The following KNG1 variants were observed in gnomAD, a reference collection of about 807,000 sequenced individuals.
KNG1 encodes kininogen 1, also known as kininogen-1.
KNG1 carries 23 observed loss-of-function variants against 47.8 expected under a neutral mutation model. That is an observed-to-expected ratio of 0.48 (90% confidence interval 0.35 to 0.68). The LOEUF is 0.68. Ranked by LOEUF, KNG1 falls within the 30% of genes least tolerant of loss-of-function variation. KNG1 has a pLI of 0.01. For missense variants in KNG1, 762 were observed against 790.2 expected, an observed-to-expected ratio of 0.96 and a Z score of 0.43; for synonymous variants, 277 against 277.0, an observed-to-expected ratio of 1.00 and a Z score of 0.00.
At chr3:186,731,789 C>T (rs1720540528) in intron 6 of KNG1, among the ~76,000 whole-genome samples, 160 bp downstream of exon 6, 1 of 152,188 alleles carries the variant, frequency 6.6e-6, no homozygotes, top group South Asian at 2.1e-4. Flanking sequence ...CACTGTACCC[C>T]TTCGCTGCCC....
rs981548935 is a variant in KNG1 at position 186,732,707 on chromosome 3, T to A, written c.930+33T>A. 5.1e-6 allele frequency: 8 copies of A among 1,565,634 alleles called. No individual in the cohort carries two copies. In the South Asian group the frequency reaches 6.7e-5, roughly 13 times the overall value. ...AACTATACTACAAAAGCAGTAACACTATAGTCTATGTGCAAATTGCTGACT... is the reference window on the plus strand; with the variant it reads ...AACTATACTACAAAAGCAGTAACACAATAGTCTATGTGCAAATTGCTGACT... On this transcript the variant is annotated intron_variant, in intron 7 of 9. Transcript: ENST00000644859.
At position 186,743,689 on chromosome 3, in the gene KNG1, T is replaced by C. The variant is rs537509927; in HGVS notation, c.*1358T>C. ...AATGATAACATCATATTAACTGCGTTTTACTATACTTACAGAGTCACCTAA... is the reference window on the plus strand; with the variant it reads ...AATGATAACATCATATTAACTGCGTCTTACTATACTTACAGAGTCACCTAA... On this transcript the variant is annotated 3_prime_UTR_variant, in exon 10 of 10. Transcript: ENST00000644859. 12 of 1,601,032 alleles carry C rather than the reference T, an allele frequency of 7.5e-6. No individual in the cohort carries two copies. The Admixed American group carries it at 1.8e-4, about 24-fold the overall frequency.
In KNG1 at chr3:186,742,434, T is replaced by C. The variant is rs574686916; in HGVS notation, c.*103T>C. On this transcript the variant is annotated 3_prime_UTR_variant, in exon 10 of 10. Transcript: ENST00000644859. ...TCCTGATATAATGCACCAAAAACCA[T>C]GCAGCTTCGGAACAGTCTAAAGAGA... The C allele has an allele frequency of 4.5e-6, 7 of 1,557,806 alleles. No individual in the cohort carries two copies. Among genetic ancestry groups the C allele is most frequent in the African/African-American group, 4.1e-5 (3 of 73,400 alleles).
intron 7 of KNG1, chr3:186,734,908 A>C (rs909580096): frequency 2.6e-5 from 4 of 152,126 alleles, no homozygotes; most frequent in African/African-American, 9.6e-5. Context: ...ACACTACTTT[A>C]ATCTTTCTAA....
rs200390171 is a variant in KNG1, at chr3:186,739,132, G to A, written c.964G>A (p.Val322Met). The change falls in exon 8 of 10, where the codon GTG becomes ATG. Residue 322 changes from valine (V) to methionine (M), a missense_variant. Physicochemically the swap from Val to Met is conservative, Grantham distance 21. Coordinates refer to ENST00000644859, the MANE Select transcript of KNG1 (RefSeq NM_001102416.3). ...VAGKKYFIDF[V>M]ARETTCSKES... ...TGGCAAGAAATATTTTATTGACTTC[G>A]TGGCCAGGGAAACCACATGTTCCAA... is the stretch of plus-strand genomic sequence containing the variant. The A allele has an allele frequency of 2.0e-5, 33 of 1,614,008 alleles. No individual in the cohort carries two copies. The highest frequency in any genetic ancestry group is 1.7e-4 in the Admixed American group (10 of 59,984).
At chr3:186,735,375 T>C in intron 7 of KNG1, among the ~76,000 whole-genome samples, 1 of 152,084 alleles carries the variant, frequency 6.6e-6, no homozygotes, top group South Asian at 2.1e-4. Flanking sequence ...CCCAGCACTT[T>C]GGGAGGCCGA....
chr3:186,722,346 C>A, intron 2 of KNG1, 91 bp from the exon 3 acceptor site: 1 of 1,069,650 alleles, frequency 9.3e-7, no homozygotes, highest in Non-Finnish European at 1.4e-6. Context: ...TTTTGTTTTG[C>A]TTTTTAAGGA....
intron 2 of KNG1, among the ~76,000 whole-genome samples, chr3:186,720,965 GTT>G (rs1307126007): frequency 1.3e-5 from 2 of 151,536 alleles, no homozygotes; most frequent in East Asian, 3.9e-4. Flanking sequence ...AATTTTTTGT[GTT>G]TTTAGTAGAG....
intron 5 of KNG1, chr3:186,728,500 G>T (rs975566080): frequency 6.6e-6 from 1 of 152,050 alleles, no homozygotes; most frequent in Non-Finnish European, 1.5e-5. Context: ...TAGTAAAACG[G>T]TTACAATGTT....
At chr3:186,724,712 T>C (rs751722666) in intron 3 of KNG1, among the ~76,000 whole-genome samples, 1 of 152,084 alleles carries the variant, frequency 6.6e-6, no homozygotes, top group Non-Finnish European at 1.5e-5. Context: ...TTTTTTTCTT[T>C]TGAGACACAG....
At chr3:186,737,114 G>C (rs1458886472) in intron 7 of KNG1, among the ~76,000 whole-genome samples, 1 of 152,186 alleles carries the variant, frequency 6.6e-6, no homozygotes, top group Non-Finnish European at 1.5e-5. Flanking sequence ...AGTGACTGAG[G>C]CTGCTTGATT....
At position 186,739,110 on chromosome 3, in the gene KNG1, C is replaced by A. The variant is rs777199030; in HGVS notation, c.942C>A (p.Gly314=). ...AATTAATTTTTCAGGTGGTGGCTGG[C>A]AAGAAATATTTTATTGACTTCGTGG... The part of the protein sequence containing the change: ...VKKARVQVVA[G]KKYFIDFVAR... Residue 314 remains glycine, a synonymous_variant, in exon 8 of 10, where the codon GGC becomes GGA. Coordinates refer to ENST00000644859, the MANE Select transcript of KNG1 (RefSeq NM_001102416.3). 43 of 1,613,500 alleles carry A rather than the reference C, an allele frequency of 2.7e-5. No individual in the cohort carries two copies. Among genetic ancestry groups the A allele is most frequent in the Non-Finnish European group, 3.4e-5 (40 of 1,179,638 alleles).
At chr3:186,723,657 T>TC (rs1036329764) in intron 3 of KNG1, among the ~76,000 whole-genome samples, 6 of 150,660 alleles carry the variant, frequency 4.0e-5, no homozygotes, top group African/African-American at 1.2e-4. Context: ...ATTTCTTTCT[T>TC]TTTTTTTTTC....
intron 3 of KNG1, 39 bp from the exon 4 acceptor site, chr3:186,725,049 C>T (rs577144389): frequency 7.0e-5 from 113 of 1,607,656 alleles, no homozygotes; most frequent in Non-Finnish European, 8.8e-5. Context: ...ATGCTGATTG[C>T]GATCATTAAT....
In KNG1 at chr3:186,717,530, A is replaced by T. The variant is rs751028684; in HGVS notation, c.-13A>T. ...AAACCATCCCTCAGCTCCTAGAGGG[A>T]GATTGTTAGATCATGAAACTAATTA... is the stretch of plus-strand genomic sequence containing the variant. On this transcript the variant is annotated 5_prime_UTR_variant, in exon 1 of 10. Transcript: ENST00000644859. 1.3e-6 allele frequency: 2 copies of T among 1,594,194 alleles called. No homozygotes were observed. Among genetic ancestry groups the T allele is most frequent in the South Asian group, 2.2e-5 (2 of 90,628 alleles).
In KNG1 at chr3:186,744,134, G is replaced by A. The variant is rs1720882237; in HGVS notation, c.*1803G>A. ...ACGGGTGCTAAAAGAAGAGTTAGTA[G>A]GTCATGCTTCTACCAGTAATCTAAG... On this transcript the variant is annotated 3_prime_UTR_variant, in exon 10 of 10. Transcript: ENST00000644859. 6.1e-6 allele frequency: 2 copies of A among 325,968 alleles called. No individual in the cohort carries two copies. Among genetic ancestry groups the A allele is most frequent in the Non-Finnish European group, 1.2e-5 (2 of 170,378 alleles). 20.2% of individuals were successfully genotyped at this position (325,968 alleles called of 1,614,324 possible).
chr3:186,733,285 T>G (rs1330711162), intron 7 of KNG1, among the ~76,000 whole-genome samples: 1 of 151,866 alleles, frequency 6.6e-6, no homozygotes, highest in African/African-American at 2.4e-5. Flanking sequence ...ATAGCAACCA[T>G]GATATAATTA....
intron 3 of KNG1, among the ~76,000 whole-genome samples, chr3:186,724,022 G>A (rs1376199151): frequency 6.6e-6 from 1 of 152,126 alleles, no homozygotes; most frequent in Non-Finnish European, 1.5e-5. Flanking sequence ...TTGCTATTGT[G>A]AATACTGCTG....
At position 186,742,223 on chromosome 3, in the gene KNG1, G is replaced by A. The variant is rs763042709; in HGVS notation, c.1827G>A (p.Thr609=). 16 of 1,613,938 alleles carry A rather than the reference G, an allele frequency of 9.9e-6. No individual in the cohort carries two copies. Among genetic ancestry groups the A allele is most frequent in the East Asian group, 8.9e-5 (4 of 44,888 alleles). Residue 609 remains threonine (T), a synonymous_variant, in exon 10 of 10, where the codon ACG becomes ACA. Transcript: ENST00000644859. ...ACCCAATATCAGATTTTCCAGACAC[G>A]ACCTCCCCAAAATGTCCTGGACGCC... ...SFNPISDFPD[T]TSPKCPGRPW... is the part of the protein sequence containing the mutation.
Sources: allele counts gnomAD v4.1 joint callset (sites outside exome capture counted in the v4.1 genomes callset), GRCh38; gene constraint gnomAD v4.1.1; transcripts MANE v1.5; gene names NCBI Gene and HGNC (gene_info 2026-07-23, HGNC 2026-07-21).